Variants in PTPRN2 observed in about 807,000 individuals in gnomAD.
PTPRN2 encodes the protein receptor-type tyrosine-protein phosphatase N2.
PTPRN2 carries 74 observed loss-of-function variants against 118.8 expected under a neutral mutation model. The ratio of observed to expected loss-of-function variants is 0.62; its 90% confidence interval spans 0.52 to 0.76. The LOEUF is 0.76. PTPRN2 is among the 30% of genes least tolerant of loss of function. PTPRN2 has a pLI of 0.00. For synonymous variants in PTPRN2, 641 were observed against 608.0 expected, an observed-to-expected ratio of 1.05 and a Z score of -0.80; for missense variants, 1,481 against 1,394.4, an observed-to-expected ratio of 1.06 and a Z score of -0.99.
At chr7:158,089,600 T>TG (rs1479224130) in intron 10 of PTPRN2, among the ~76,000 whole-genome samples, 1 of 115,386 alleles carries the variant, frequency 8.7e-6, no homozygotes, top group African/African-American at 3.4e-5. Flanking sequence ...CACACAAACC[T>TG]TCTTCCCCTG....
rs1798556714 is a variant in PTPRN2 at position 157,550,717 on chromosome 7, G to A, written c.2903-1698C>T. On this transcript the variant is annotated intron_variant, in intron 21 of 22. Coordinates refer to ENST00000389418, the MANE Select transcript of PTPRN2 (RefSeq NM_002847.5). The surrounding 1 kb of genome is among the most constrained non-coding windows in gnomAD (Gnocchi z 5.2). ...CACCATGAGGGCCACCACCTTTTAA[G>A]CCAGAGCCTCTGCAGGCATAAAAGG... is the stretch of plus-strand genomic sequence containing the variant. Among the ~76,000 whole-genome samples the A allele has an allele frequency of 6.6e-6, 1 of 152,224 alleles. No homozygotes were observed. The highest frequency in any genetic ancestry group is 1.5e-5 in the Non-Finnish European group (1 of 68,036).
At chr7:157,968,467 C>T (rs4716516) in intron 11 of PTPRN2, among the ~76,000 whole-genome samples, 120,194 of 152,014 alleles carry the variant, frequency 0.79, 47,819 homozygotes, top group African/African-American at 0.89. Context: ...TGAAAACTTT[C>T]GGTTTTCAAG....
chr7:157,649,203 C>T lies in PTPRN2; in HGVS notation c.2196+7154G>A, dbSNP rs539633421. ...GGACCCATTCGCTGTGCACTGAACT[C>T]GGTGGGTCAGACCCATCCAGCGTGC... On this transcript the variant is annotated intron_variant, in intron 14 of 22. Coordinates refer to ENST00000389418, the MANE Select transcript of PTPRN2 (RefSeq NM_002847.5). Among the ~76,000 whole-genome samples, 14 of 110,438 alleles carry T rather than the reference C, an allele frequency of 1.3e-4. 1 individual carries two copies. Among genetic ancestry groups the T allele is most frequent in the African/African-American group, 1.3e-4 (4 of 30,930 alleles). The allele number at this position is 110,438 out of a possible 152,430, so 72.5% of individuals were successfully genotyped here.
chr7:158,439,000 T>C lies in PTPRN2; in HGVS notation c.163+50735A>G, dbSNP rs999767235. 8.5e-5 allele frequency among the ~76,000 whole-genome samples: 13 copies of C among 152,304 alleles called. 1 individual carries two copies. The highest frequency in any genetic ancestry group is 6.5e-4 in the Admixed American group (10 of 15,306). ...TGCTCCCTCTCCCCTATTGCTTATG[T>C]AAAAATGCAGATTCACTGAGCCAGG... On this transcript the variant is annotated intron_variant, in intron 2 of 22. Coordinates refer to ENST00000389418, the MANE Select transcript of PTPRN2 (RefSeq NM_002847.5). This position sits in a 1 kb window ranked among gnomAD's most constrained non-coding sequence, Gnocchi z 4.7.
intron 5 of PTPRN2, among the ~76,000 whole-genome samples, chr7:158,169,815 C>G (rs1823380311): frequency 6.6e-6 from 1 of 151,944 alleles, no homozygotes. Flanking sequence ...CTTCAGCCTC[C>G]TGAGTAACTG....
At chr7:158,306,649 A>C (rs781772451) in intron 3 of PTPRN2, among the ~76,000 whole-genome samples, 1 of 152,158 alleles carries the variant, frequency 6.6e-6, no homozygotes, top group African/African-American at 2.4e-5. Flanking sequence ...AAACAGCAAC[A>C]ACAACAACAA....
At chr7:157,820,031 C>A (rs1806714720) in intron 12 of PTPRN2, among the ~76,000 whole-genome samples, 1 of 150,858 alleles carries the variant, frequency 6.6e-6, no homozygotes, top group Non-Finnish European at 1.5e-5. Context: ...CACACACACA[C>A]CCACAGTCAC....
intron 3 of PTPRN2, among the ~76,000 whole-genome samples, chr7:158,243,792 TA>T (rs1796030142): frequency 3.6e-5 from 1 of 27,730 alleles, no homozygotes; most frequent in African/African-American, 9.9e-5. Context: ...TAGTCACTAC[TA>T]TATATCTCCT....
chr7:158,517,281 C>T lies in PTPRN2; in HGVS notation c.113-27496G>A, dbSNP rs1273090847. On this transcript the variant is annotated intron_variant, in intron 1 of 22. Coordinates refer to ENST00000389418, the MANE Select transcript of PTPRN2 (RefSeq NM_002847.5). The surrounding 1 kb of genome is among the most constrained non-coding windows in gnomAD (Gnocchi z 5.3). ...CAAGCCTGCAAGACCAAACAGCCCA[C>T]AGCCTTGGAGGAGGCAGAGTGCGGG... Among the ~76,000 whole-genome samples, 1 of 152,228 alleles carries T rather than the reference C, an allele frequency of 6.6e-6. No homozygotes were observed. The highest frequency in any genetic ancestry group is 1.9e-4 in the East Asian group (1 of 5,186).
chr7:157,543,492 C>T (rs1382083744), intron 22 of PTPRN2, among the ~76,000 whole-genome samples: 1 of 152,182 alleles, frequency 6.6e-6, no homozygotes, highest in African/African-American at 2.4e-5. Context: ...CCACGGGGTG[C>T]CCACATAGTT....
At chr7:158,441,104 A>G (rs1431597447) in intron 2 of PTPRN2, among the ~76,000 whole-genome samples, 2 of 136,256 alleles carry the variant, frequency 1.5e-5, no homozygotes, top group East Asian at 2.2e-4. Flanking sequence ...TAGGGGTGGT[A>G]GTGATGGTGA....
intron 1 of PTPRN2, among the ~76,000 whole-genome samples, chr7:158,533,392 C>T (rs1335979353): frequency 7.2e-5 from 11 of 152,232 alleles, no homozygotes; most frequent in African/African-American, 9.6e-5. Flanking sequence ...TAGGACCCTC[C>T]GCATCTGGCT....
At chr7:158,066,432 A>G (rs1010582721) in intron 11 of PTPRN2, among the ~76,000 whole-genome samples, 3 of 152,202 alleles carry the variant, frequency 2.0e-5, no homozygotes, top group African/African-American at 7.2e-5. Context: ...TTGCCACAGA[A>G]TGTGCTCTAA....
intron 2 of PTPRN2, among the ~76,000 whole-genome samples, chr7:158,411,351 C>T (rs989596029): frequency 6.6e-6 from 1 of 152,122 alleles, no homozygotes; most frequent in African/African-American, 2.4e-5. Flanking sequence ...TGATGAAGTG[C>T]GGGGCCTGGC....
At chr7:157,570,199 G>A (rs946134920) in intron 20 of PTPRN2, among the ~76,000 whole-genome samples, 3 of 152,264 alleles carry the variant, frequency 2.0e-5, no homozygotes, top group African/African-American at 4.8e-5. Context: ...AAAGGGCCAC[G>A]GTGAGCATTC....
chr7:158,539,636 C>A (rs766383015), intron 1 of PTPRN2: 1 of 220,824 alleles, frequency 4.5e-6, no homozygotes, highest in Admixed American at 5.7e-5. Context: ...TGGAGCCTTA[C>A]GCTGGAGCAT....
At chr7:158,129,596 AC>A (rs1818006847) in intron 9 of PTPRN2, among the ~76,000 whole-genome samples, 1 of 151,838 alleles carries the variant, frequency 6.6e-6, no homozygotes, top group African/African-American at 2.4e-5. Flanking sequence ...TCACTACATT[AC>A]CACACACACA....
intron 3 of PTPRN2, among the ~76,000 whole-genome samples, chr7:158,226,108 C>G (rs1828753512): frequency 6.6e-6 from 1 of 152,062 alleles, no homozygotes; most frequent in Admixed American, 6.5e-5. Context: ...ATTTGCTGAG[C>G]CTTAACTATG....
intron 12 of PTPRN2, among the ~76,000 whole-genome samples, chr7:157,883,298 C>G (rs1183401340): frequency 6.7e-6 from 1 of 148,176 alleles, no homozygotes; most frequent in East Asian, 2.0e-4. Context: ...CACACCACCC[C>G]AAAATGATTG....
Sources: allele counts gnomAD v4.1 joint callset (sites outside exome capture counted in the v4.1 genomes callset), GRCh38; gene constraint gnomAD v4.1.1; non-coding constraint Gnocchi (gnomAD v3.1); transcripts MANE v1.5; gene names NCBI Gene and HGNC (gene_info 2026-07-23, HGNC 2026-07-21).